The following VLDLR variants were observed in gnomAD, a reference collection of about 807,000 sequenced individuals.
VLDLR encodes very low-density lipoprotein receptor.
A neutral mutation model predicts 112.7 loss-of-function variants in VLDLR; 81 were observed. The observed-to-expected ratio is 0.72, with a 90% confidence interval of 0.60 to 0.86. The LOEUF (loss-of-function observed/expected upper bound fraction) is 0.86. VLDLR is among the 40% of genes least tolerant of loss of function. VLDLR has a pLI of 0.00. For missense variants in VLDLR, 1,237 were observed against 1,099.4 expected (o/e 1.13, Z -1.77); for synonymous variants, 436 against 384.8 (o/e 1.13, Z -1.56).
chr9:2,638,001 T>A (rs1563753767), intron 2 of VLDLR, among the ~76,000 whole-genome samples: 2 of 152,192 alleles, frequency 1.3e-5, no homozygotes, highest in African/African-American at 4.8e-5. Flanking sequence ...GGGGTCTCTT[T>A]ACAGCCATTC....
intron 1 of VLDLR, among the ~76,000 whole-genome samples, chr9:2,634,662 C>T (rs1012735238): frequency 6.6e-6 from 1 of 152,158 alleles, no homozygotes; most frequent in African/African-American, 2.4e-5. Context: ...TCTTCAGCTC[C>T]ACCTCACTTT....
At chr9:2,626,376 T>TA (rs376237493) in intron 1 of VLDLR, among the ~76,000 whole-genome samples, 30 of 152,330 alleles carry the variant, frequency 2.0e-4, no homozygotes, top group Admixed American at 1.3e-3. Flanking sequence ...TTTCCACACT[T>TA]ACGGCATCAT....
At position 2,639,976 on chromosome 9, in the gene VLDLR, A is replaced by G. The variant is rs1363675292; in HGVS notation, c.320A>G (p.Gln107Arg). ...CEDGSDESPEQCHMRTCRIHE... is the reference protein window; with the variant it reads ...CEDGSDESPERCHMRTCRIHE... ...GATGGTTCAGATGAAAGCCCAGAACAGTGCCGTGAGTGTAACTTGCTTTGG... is the reference window on the plus strand; with the variant it reads ...GATGGTTCAGATGAAAGCCCAGAACGGTGCCGTGAGTGTAACTTGCTTTGG... The change falls in exon 3 of 19, where the codon CAG (glutamine) becomes CGG (arginine). Residue 107 changes from glutamine (Q) to arginine (R), a missense_variant. By Grantham distance (43) the Gln-to-Arg change is conservative (BLOSUM62 1). Transcript: ENST00000382100. 13 of 1,614,104 alleles carry G rather than the reference A, an allele frequency of 8.1e-6. No homozygotes were observed. In the South Asian group the frequency reaches 1.2e-4, roughly 15 times the overall value.
At chr9:2,629,498 A>C (rs904854235) in intron 1 of VLDLR, among the ~76,000 whole-genome samples, 3 of 152,256 alleles carry the variant, frequency 2.0e-5, no homozygotes, top group African/African-American at 7.2e-5. Flanking sequence ...AATCTGGGAC[A>C]AGTGACTGTA....
Position 2,651,934 on chromosome 9 carries a change from C to T in VLDLR, c.2396C>T (p.Ala799Val), listed in dbSNP as rs923843025. 2 of 1,614,086 alleles carry T rather than the reference C, an allele frequency of 1.2e-6. No individual in the cohort carries two copies. The highest frequency in any genetic ancestry group is 1.1e-5 in the South Asian group (1 of 91,086). ...GTTCCCCCAAAAGGGACTTCTGCCG[C>T]ATGGGCCATTCTTCCTCTCTGTAAG... is the stretch of plus-strand genomic sequence containing the variant. ...VSVPPKGTSA[A>V]WAILPLLLLV... The change falls in exon 17 of 19, where the codon GCA becomes GTA. Residue 799 changes from alanine (A) to valine (V), a missense_variant. Coordinates refer to ENST00000382100, the MANE Select transcript of VLDLR (RefSeq NM_003383.5).
chr9:2,640,028 G>A (rs761725340), intron 3 of VLDLR, 47 bp downstream of exon 3: 2 of 1,613,932 alleles, frequency 1.2e-6, no homozygotes, highest in South Asian at 2.2e-5. Context: ...GTTGTTCGGT[G>A]TCTAACATTT....
rs747470089 is a variant in VLDLR at position 2,653,883 on chromosome 9, G to A, written c.*15G>A. 3.1e-6 allele frequency: 5 copies of A among 1,613,684 alleles called. No homozygotes were observed. The African/African-American group carries it at 5.3e-5, about 17-fold the overall frequency. On this transcript the variant is annotated 3_prime_UTR_variant, in exon 19 of 19. Coordinates refer to ENST00000382100, the MANE Select transcript of VLDLR (RefSeq NM_003383.5). ...ATCTAGCTTGACTTCTGTGACAAAT[G>A]TTGACCTTTGAGGTCTAAACAAATA...
chr9:2,630,144 A>G (rs566515900), intron 1 of VLDLR, among the ~76,000 whole-genome samples: 97 of 152,292 alleles, frequency 6.4e-4, no homozygotes, highest in Non-Finnish European at 1.0e-3. Context: ...CCAGAGCACA[A>G]TCTTTGTGCT....
intron 18 of VLDLR, among the ~76,000 whole-genome samples, chr9:2,653,415 A>G (rs970238117): frequency 2.0e-5 from 3 of 152,204 alleles, no homozygotes; most frequent in Non-Finnish European, 2.9e-5. Flanking sequence ...TCTTCCAGCA[A>G]TAGTCACTCA....
chr9:2,644,926 G>A (rs930687974), intron 8 of VLDLR, 31 bp from the exon 9 acceptor site: 5 of 1,614,020 alleles, frequency 3.1e-6, no homozygotes, highest in Admixed American at 1.7e-5. Flanking sequence ...AGGTATAGGA[G>A]CAGCAAGACT....
Position 2,653,992 on chromosome 9 carries a change from G to C in VLDLR, c.*124G>C. 1 of 986,890 alleles carries C rather than the reference G, an allele frequency of 1.0e-6. No homozygotes were observed. The allele number at this position is 986,890 out of a possible 1,614,324, so 61.1% of individuals were successfully genotyped here. A position where few individuals can be genotyped will look rare whatever the true frequency, so the allele number is the denominator to read the frequency against. ...GCTGGAAGAACATCAAGATACCTTT[G>C]CGTGGATCAAGCTTGTGTACTTGAC... is the stretch of plus-strand genomic sequence containing the variant. On this transcript the variant is annotated 3_prime_UTR_variant, in exon 19 of 19. Coordinates refer to ENST00000382100, the MANE Select transcript of VLDLR (RefSeq NM_003383.5).
At chr9:2,629,289 T>G (rs1817234390) in intron 1 of VLDLR, among the ~76,000 whole-genome samples, 2 of 152,350 alleles carry the variant, frequency 1.3e-5, no homozygotes, top group South Asian at 4.1e-4. Flanking sequence ...TTCCTCTGAC[T>G]TGAACCCTAG....
chr9:2,648,405 G>A (rs2130801635), intron 13 of VLDLR, 58 bp downstream of exon 13: 1 of 1,611,100 alleles, frequency 6.2e-7, no homozygotes, highest in Non-Finnish European at 8.5e-7. Flanking sequence ...ACTTTGAGAA[G>A]AAATAACAGA....
At chr9:2,623,704 A>G (rs1816946157) in intron 1 of VLDLR, among the ~76,000 whole-genome samples, 1 of 152,152 alleles carries the variant, frequency 6.6e-6, no homozygotes, top group African/African-American at 2.4e-5. Flanking sequence ...AGTGGGCAGC[A>G]TGGGCAGTGT....
chr9:2,635,597 T>G (rs201573215), intron 2 of VLDLR, 25 bp downstream of exon 2: 1 of 1,613,820 alleles, frequency 6.2e-7, no homozygotes, highest in Non-Finnish European at 8.5e-7. Flanking sequence ...TGATGACTTA[T>G]GCATTTTGTT....
In VLDLR at chr9:2,654,445, T is replaced by G. The variant is rs1439330986; in HGVS notation, c.*577T>G. The G allele has an allele frequency of 6.4e-6, 1 of 157,322 alleles. No homozygotes were observed. The highest frequency in any genetic ancestry group is 1.4e-5 in the Non-Finnish European group (1 of 70,806). 9.7% of individuals were successfully genotyped at this position (157,322 alleles called of 1,614,324 possible). A position where few individuals can be genotyped will look rare whatever the true frequency, so the allele number is the denominator to read the frequency against. On this transcript the variant is annotated 3_prime_UTR_variant, in exon 19 of 19. Transcript: ENST00000382100. ...GAGTGTTCAAACTACTGTACATTTT[T>G]TTTCAAGTGCTAAAAAATTAAACCA...
intron 2 of VLDLR, among the ~76,000 whole-genome samples, chr9:2,636,922 C>T (rs1242875693): frequency 2.0e-5 from 3 of 152,140 alleles, no homozygotes; most frequent in Non-Finnish European, 4.4e-5. Context: ...TTGTGTTGCA[C>T]AAGTCTTTTT....
Position 2,622,264 on chromosome 9 carries a change from C to T in VLDLR, c.75C>T (p.Thr25=), listed in dbSNP as rs532555108. ...LCWAPRESGA[T]GTGRKAKCEP... ...GGGCGCCCCGGGAGAGCGGCGCCAC[C>T]GGAACCGGTGAGTGAGGACGCGCCC... Residue 25 remains threonine, a synonymous_variant, in exon 1 of 19, where the codon ACC becomes ACT. Coordinates refer to ENST00000382100, the MANE Select transcript of VLDLR (RefSeq NM_003383.5). 2.1e-4 allele frequency: 319 copies of T among 1,490,456 alleles called. 2 individuals are homozygous for T. The African/African-American group carries it at 4.0e-3, about 19-fold the overall frequency. The allele number at this position is 1,490,456 out of a possible 1,614,324, so 92.3% of individuals were successfully genotyped here.
At chr9:2,626,486 G>A (rs1395368122) in intron 1 of VLDLR, among the ~76,000 whole-genome samples, 1 of 152,174 alleles carries the variant, frequency 6.6e-6, no homozygotes, top group African/African-American at 2.4e-5. Flanking sequence ...CTTGAGTGAA[G>A]TCTCCTAGGA....
Sources: gnomAD v4.1 joint callset for allele counts (sites outside exome capture counted in the v4.1 genomes callset) on GRCh38, gnomAD v4.1.1 for gene constraint, MANE v1.5 for transcripts, NCBI Gene and HGNC (gene_info 2026-07-23, HGNC 2026-07-21) for gene names.